SHANK1: variants seen among roughly 807,000 people sequenced by gnomAD.
The protein encoded by SHANK1 is SH3 and multiple ankyrin repeat domains protein 1.
A neutral mutation model predicts 165.6 loss-of-function variants in SHANK1; 35 were observed. That is an observed-to-expected ratio of 0.21 (90% CI 0.16 to 0.28). The LOEUF is 0.28. SHANK1 is among the 10% of genes least tolerant of loss of function. The pLI is 1.00. For synonymous variants in SHANK1, 1,428 were observed against 1,384.8 expected, an observed-to-expected ratio of 1.03 and a Z score of -0.69; for missense variants, 2,681 against 3,036.4, an observed-to-expected ratio of 0.88 and a Z score of 2.75.
Position 50,670,146 on chromosome 19 carries a change from C to A in SHANK1, c.2675-861G>T, listed in dbSNP as rs1282854134. On this transcript the variant is annotated intron_variant, in intron 22 of 23. Coordinates refer to ENST00000293441, the MANE Select transcript of SHANK1 (RefSeq NM_016148.5). This position sits in a 1 kb window ranked among gnomAD's most constrained non-coding sequence, Gnocchi z 4.1. ...CATCTCAGACTCCAAACGCTCCAAC[C>A]CAAGCTCCTGATCTCCTCACCAACA... Among the ~76,000 whole-genome samples, 1 of 152,100 alleles carries A rather than the reference C, an allele frequency of 6.6e-6. No homozygotes were observed. Among genetic ancestry groups the A allele is most frequent in the Non-Finnish European group, 1.5e-5 (1 of 68,028 alleles).
rs776419436 is a variant in SHANK1 at position 50,666,257 on chromosome 19, G to T, written c.5703C>A (p.Gly1901=). 2.5e-6 allele frequency: 4 copies of T among 1,610,044 alleles called. No individual in the cohort carries two copies. The African/African-American group carries it at 5.3e-5, about 21-fold the overall frequency. The change falls in exon 23 of 24, where the codon GGC becomes GGA. Residue 1901 remains glycine, a synonymous_variant. Coordinates refer to ENST00000293441, the MANE Select transcript of SHANK1 (RefSeq NM_016148.5). Reference sequence around the variant, plus strand: ...TGGCTCCCCCGTGGTGGCTGTCTCCGCCTCCCCCACTGCCTCCTCGGGCCC... The same window carrying T: ...TGGCTCCCCCGTGGTGGCTGTCTCCTCCTCCCCCACTGCCTCCTCGGGCCC... ...LPWARGGSGG[G]GDSHHGGASY...
intron 23 of SHANK1, chr19:50,663,108 C>T (rs1985335629): frequency 4.9e-6 from 1 of 206,152 alleles, no homozygotes; most frequent in Admixed American, 5.3e-5. Context: ...TAAGGACACA[C>T]AGGAAGTGGC....
chr19:50,705,139 G>A (rs2088922566), intron 8 of SHANK1, among the ~76,000 whole-genome samples: 1 of 150,740 alleles, frequency 6.6e-6, no homozygotes, highest in Non-Finnish European at 1.5e-5. Flanking sequence ...CCAGGTATTT[G>A]AGCCCAGCCT....
chr19:50,699,698 T>C (rs546898486), intron 12 of SHANK1, among the ~76,000 whole-genome samples: 40 of 151,334 alleles, frequency 2.6e-4, no homozygotes, highest in African/African-American at 9.2e-4. Flanking sequence ...GCTTGGGGCA[T>C]TGGAGGAATG....
At chr19:50,692,383 G>A (rs759701390) in intron 15 of SHANK1, among the ~76,000 whole-genome samples, 10 of 151,074 alleles carry the variant, frequency 6.6e-5, no homozygotes, top group Non-Finnish European at 1.3e-4. Context: ...TGGGGAAACC[G>A]AGGCACAGAG....
Position 50,686,672 on chromosome 19 carries a change from G to T in SHANK1, c.2458+72C>A. 1 of 1,432,626 alleles carries T rather than the reference G, an allele frequency of 7.0e-7. No individual in the cohort carries two copies. Among genetic ancestry groups the T allele is most frequent in the Non-Finnish European group, 9.8e-7 (1 of 1,023,142 alleles). 88.7% of individuals were successfully genotyped at this position (1,432,626 alleles called of 1,614,324 possible). On this transcript the variant is annotated intron_variant, in intron 20 of 23. Coordinates refer to ENST00000293441, the MANE Select transcript of SHANK1 (RefSeq NM_016148.5). The surrounding 1 kb of genome is among the most constrained non-coding windows in gnomAD (Gnocchi z 5.7). Reference sequence around the variant, plus strand: ...AGGTGAGGGGCGCCGTGGGGTTCATGGTGGGACAGGGATGCAGCGGGTGCC... The same window carrying T: ...AGGTGAGGGGCGCCGTGGGGTTCATTGTGGGACAGGGATGCAGCGGGTGCC...
At chr19:50,665,242 G>A (rs371450510) in intron 23 of SHANK1, among the ~76,000 whole-genome samples, 24 of 152,142 alleles carry the variant, frequency 1.6e-4, no homozygotes, top group African/African-American at 3.9e-4. Flanking sequence ...CCTGGTCAAC[G>A]TAGCTTGTCT....
rs1488613653 is a variant in SHANK1 at position 50,719,563 on chromosome 19, G to A, written c.-201C>T. 6.9e-6 allele frequency: 1 copy of A among 145,874 alleles called. No individual in the cohort carries two copies. The highest frequency in any genetic ancestry group is 1.5e-5 in the Non-Finnish European group (1 of 65,236). 9.0% of individuals were successfully genotyped at this position (145,874 alleles called of 1,614,324 possible). On this transcript the variant is annotated 5_prime_UTR_variant, in exon 1 of 24. Coordinates refer to ENST00000293441, the MANE Select transcript of SHANK1 (RefSeq NM_016148.5). The stretch of plus-strand genomic sequence containing the variant: ...GAGGGGGCGGGCGGGGACCGGGGGG[G>A]AGGGCGGGAGGGCCGAGGACCTCAC...
At chr19:50,708,786 C>A (rs1287802466) in intron 8 of SHANK1, among the ~76,000 whole-genome samples, 1 of 152,200 alleles carries the variant, frequency 6.6e-6, no homozygotes, top group African/African-American at 2.4e-5. Flanking sequence ...CACTCATTTT[C>A]ATTCATTCAT....
At position 50,711,469 on chromosome 19, in the gene SHANK1, A is replaced by G. The variant is rs892634965; in HGVS notation, c.979T>C (p.Ser327Pro). 1 of 1,573,020 alleles carries G rather than the reference A, an allele frequency of 6.4e-7. No homozygotes were observed. Among genetic ancestry groups the G allele is most frequent in the Non-Finnish European group, 8.6e-7 (1 of 1,159,528 alleles). The change falls in exon 8 of 24, where the codon TCT becomes CCT. Residue 327 changes from serine to proline, a missense_variant. By Grantham distance (74) the Ser-to-Pro change is moderately conservative. Transcript: ENST00000293441. ...AAAAGCAGATGCTCCAGGTGCTGAGAGTGACCCCGCTGGCAGGCCTGGGCA... is the reference window on the plus strand; with the variant it reads ...AAAAGCAGATGCTCCAGGTGCTGAGGGTGACCCCGCTGGCAGGCCTGGGCA... ...EIHQACQRGH[S>P]QHLEHLLFYG...
chr19:50,682,157 G>C (rs1046508023), intron 21 of SHANK1, among the ~76,000 whole-genome samples: 1 of 152,086 alleles, frequency 6.6e-6, no homozygotes, highest in African/African-American at 2.4e-5. Context: ...CTGGGTTCAA[G>C]TGATTCTCTT....
In SHANK1 at chr19:50,711,659, C is replaced by T. The variant is rs182728935; in HGVS notation, c.961-172G>A. On this transcript the variant is annotated intron_variant, in intron 7 of 23. Transcript: ENST00000293441. ...GCTCTGGGACCCAGGCTGTCAGCCTCAAAACCCAAATGTTCAGTCATTCCA... is the reference window on the plus strand; with the variant it reads ...GCTCTGGGACCCAGGCTGTCAGCCTTAAAACCCAAATGTTCAGTCATTCCA... Among the ~76,000 whole-genome samples, 227 of 152,322 alleles carry T rather than the reference C, an allele frequency of 1.5e-3. 1 individual carries two copies. Among genetic ancestry groups the T allele is most frequent in the Non-Finnish European group, 2.7e-3 (185 of 68,020 alleles).
At position 50,680,809 on chromosome 19, in the gene SHANK1, C is replaced by T. The variant is rs551347428; in HGVS notation, c.2577+5428G>A. Among the ~76,000 whole-genome samples the T allele has an allele frequency of 3.3e-5, 5 of 152,178 alleles. No homozygotes were observed. The East Asian group carries it at 7.7e-4, about 23-fold the overall frequency. The stretch of plus-strand genomic sequence containing the variant: ...TAGCTGGAATAACAGGCGTGCGCCA[C>T]CACACCCAGCAAATTTTTGTAGTTT... On this transcript the variant is annotated intron_variant, in intron 21 of 23. Coordinates refer to ENST00000293441, the MANE Select transcript of SHANK1 (RefSeq NM_016148.5).
intron 21 of SHANK1, among the ~76,000 whole-genome samples, chr19:50,679,953 GAC>G (rs1222207478): frequency 1.3e-5 from 2 of 151,774 alleles, no homozygotes; most frequent in South Asian, 2.1e-4. Flanking sequence ...GAGATAGAGA[GAC>G]AGAGAGACAA....
Position 50,702,542 on chromosome 19 carries a change from A to G in SHANK1, c.1672T>C (p.Ser558Pro). ...RKLYSAVPGR[S>P]FMAVKSYQAQ... is the part of the protein sequence containing the mutation. ...TGGTAGGACTTCACAGCCATGAAGGAGCGTCCGGGTACCGCTGAGTAGAGC... is the reference window on the plus strand; with the variant it reads ...TGGTAGGACTTCACAGCCATGAAGGGGCGTCCGGGTACCGCTGAGTAGAGC... Residue 558 changes from serine to proline, a missense_variant, in exon 12 of 24, where the codon TCC becomes CCC. Around this residue, in one of 10 missense-constraint regions of SHANK1, gnomAD observed 195 missense variants for 186.2 expected, o/e 1.05. Transcript: ENST00000293441. This position sits in a 1 kb window ranked among gnomAD's most constrained non-coding sequence, Gnocchi z 5.3. 1 of 1,613,250 alleles carries G rather than the reference A, an allele frequency of 6.2e-7. No individual in the cohort carries two copies. Among genetic ancestry groups the G allele is most frequent in the South Asian group, 1.1e-5 (1 of 91,036 alleles).
In SHANK1 at chr19:50,686,616, G is replaced by T; in HGVS notation, c.2458+128C>A. 1 of 861,804 alleles carries T rather than the reference G, an allele frequency of 1.2e-6. No homozygotes were observed. The highest frequency in any genetic ancestry group is 1.8e-6 in the Non-Finnish European group (1 of 552,544). 53.4% of individuals were successfully genotyped at this position (861,804 alleles called of 1,614,324 possible). ...CGGGAGAGGGCGGGCGGAGGGAGGG[G>T]AGGTGGGATCGCAGCCTCTCTGGGG... is the stretch of plus-strand genomic sequence containing the variant. On this transcript the variant is annotated intron_variant, in intron 20 of 23. Transcript: ENST00000293441. The surrounding 1 kb of genome is among the most constrained non-coding windows in gnomAD (Gnocchi z 5.7).
At chr19:50,664,113 CT>C in intron 23 of SHANK1, among the ~76,000 whole-genome samples, 2 of 96,796 alleles carry the variant, frequency 2.1e-5, no homozygotes, top group Admixed American at 1.1e-4. Context: ...CCTCCTTTTT[CT>C]TTTCTTTCTT....
chr19:50,687,852 C>G, intron 18 of SHANK1, 71 bp downstream of exon 18: 1 of 1,584,190 alleles, frequency 6.3e-7, no homozygotes, highest in Non-Finnish European at 8.6e-7. Context: ...GCAGCAGCAA[C>G]CAGCCCTGGG....
In SHANK1 at chr19:50,704,199, G is replaced by A. The variant is rs750740108; in HGVS notation, c.1156-13C>T. 1.2e-6 allele frequency: 2 copies of A among 1,613,712 alleles called. No homozygotes were observed. The highest frequency in any genetic ancestry group is 1.7e-6 in the Non-Finnish European group (2 of 1,179,816). ...CAATCACTGCCACCTGGAGGGAGGG[G>A]GTAGAGGCAGGTCGGCCAGGGGGGC... On this transcript the variant is annotated splice_polypyrimidine_tract_variant and intron_variant, in intron 9 of 23. Transcript: ENST00000293441.
Sources: gnomAD v4.1 joint callset for allele counts (sites outside exome capture counted in the v4.1 genomes callset) on GRCh38, gnomAD v4.1.1 for gene constraint, gnomAD v4.1.1 regional missense constraint, Gnocchi (gnomAD v3.1) non-coding constraint, MANE v1.5 for transcripts, NCBI Gene and HGNC (gene_info 2026-07-23, HGNC 2026-07-21) for gene names.